EYS: variants seen among roughly 807,000 people sequenced by gnomAD.
The protein encoded by EYS is EGF-like photoreceptor maintenance factor, also known as protein eyes shut homolog.
In EYS, 250 loss-of-function variants were observed where a neutral mutation model predicts 282.1. The observed-to-expected ratio is 0.89, with a 90% CI of 0.80 to 0.98. EYS has a LOEUF of 0.98. EYS is among the 50% of genes least tolerant of loss of function. The pLI, the probability that EYS is intolerant of heterozygous loss-of-function variation, is 0.00. For synonymous variants in EYS, 1,355 were observed against 1,282.9 expected (o/e 1.06, Z -1.20); for missense variants, 4,016 against 3,709.0 (o/e 1.08, Z -2.15).
At chr6:64,744,303 C>T (rs1015818810) in intron 22 of EYS, among the ~76,000 whole-genome samples, 15 of 152,234 alleles carry the variant, frequency 9.9e-5, no homozygotes, top group Admixed American at 9.2e-4. Flanking sequence ...TTAAAAGAGA[C>T]TTAAATCCCA....
At chr6:64,799,799 T>C (rs1046268475) in intron 22 of EYS, among the ~76,000 whole-genome samples, 17 of 151,826 alleles carry the variant, frequency 1.1e-4, no homozygotes, top group African/African-American at 4.1e-4. Context: ...TTTAAGTATC[T>C]GAATATCTAC....
intron 22 of EYS, among the ~76,000 whole-genome samples, chr6:64,798,533 A>G (rs978358146): frequency 2.7e-5 from 4 of 150,826 alleles, no homozygotes; most frequent in African/African-American, 9.7e-5. Context: ...GTGCATATTA[A>G]TTCTAAAATT....
At chr6:64,521,493 A>T (rs1301936876) in intron 26 of EYS, among the ~76,000 whole-genome samples, 3 of 151,710 alleles carry the variant, frequency 2.0e-5, no homozygotes, top group African/African-American at 7.3e-5. Context: ...TACTTAGAGT[A>T]CTAAAGTGGA....
At position 63,953,880 on chromosome 6, in the gene EYS, G is replaced by A. The variant is rs6903963; in HGVS notation, c.7055+30503C>T. On this transcript the variant is annotated intron_variant, in intron 35 of 42. Transcript: ENST00000503581. ...AACAACTTGGCCTTACTGTTTTAGCGTAGCCCTCATGTCTGTGTGTGGTGG... is the reference window on the plus strand; with the variant it reads ...AACAACTTGGCCTTACTGTTTTAGCATAGCCCTCATGTCTGTGTGTGGTGG... Among the ~76,000 whole-genome samples, 806 of 152,214 alleles carry A rather than the reference G, an allele frequency of 5.3e-3. 7 individuals are homozygous for A. The highest frequency in any genetic ancestry group is 0.016 in the African/African-American group (685 of 41,528).
intron 26 of EYS, among the ~76,000 whole-genome samples, chr6:64,567,670 G>A (rs1052586639): frequency 6.6e-6 from 1 of 152,030 alleles, no homozygotes; most frequent in Non-Finnish European, 1.5e-5. Context: ...GATTTATTTG[G>A]AAAACTATTT....
chr6:64,391,093 G>T (rs1444951076), intron 28 of EYS, among the ~76,000 whole-genome samples: 7 of 152,004 alleles, frequency 4.6e-5, no homozygotes, highest in East Asian at 1.9e-4. Flanking sequence ...TAAAAAGAAA[G>T]GAGCAAAGCC....
chr6:64,651,793 C>T (rs1291580102), intron 22 of EYS, among the ~76,000 whole-genome samples: 1 of 152,104 alleles, frequency 6.6e-6, no homozygotes, highest in Non-Finnish European at 1.5e-5. Flanking sequence ...TGAATATGAA[C>T]ATAAAGAAAG....
At chr6:65,180,094 A>G (rs1219531750) in intron 12 of EYS, among the ~76,000 whole-genome samples, 1 of 151,536 alleles carries the variant, frequency 6.6e-6, no homozygotes, top group African/African-American at 2.4e-5. Flanking sequence ...CCCACAGCCA[A>G]TATCATACTG....
At chr6:64,700,843 C>T (rs1257496470) in intron 22 of EYS, among the ~76,000 whole-genome samples, 1 of 151,860 alleles carries the variant, frequency 6.6e-6, no homozygotes, top group Non-Finnish European at 1.5e-5. Context: ...AAAATATCAT[C>T]ATCACGTTTT....
intron 31 of EYS, among the ~76,000 whole-genome samples, chr6:64,095,718 G>A (rs771505348): frequency 9.2e-5 from 14 of 152,182 alleles, no homozygotes; most frequent in African/African-American, 3.1e-4. Context: ...AATTTGCCAG[G>A]CTGTGTCTTT....
At position 65,414,604 on chromosome 6, in the gene EYS, G is replaced by T. The variant is rs548567391; in HGVS notation, c.863-9237C>A. ...TCTTTTTTTTTTATGTAAGTAACCA[G>T]AAAGAAAGGATTAATCTTTTCTAAG... is the stretch of plus-strand genomic sequence containing the variant. On this transcript the variant is annotated intron_variant, in intron 5 of 42. Transcript: ENST00000503581. Among the ~76,000 whole-genome samples, 12 of 151,896 alleles carry T rather than the reference G, an allele frequency of 7.9e-5. No individual in the cohort carries two copies. In the South Asian group the frequency reaches 2.5e-3, roughly 32 times the overall value.
intron 33 of EYS, among the ~76,000 whole-genome samples, chr6:64,002,492 CT>C (rs1332330952): frequency 6.6e-6 from 1 of 152,214 alleles, no homozygotes; most frequent in Non-Finnish European, 1.5e-5. Flanking sequence ...CACATGCCCA[CT>C]TGGGTTTCGG....
chr6:63,902,341 TA>T (rs1486837631), intron 35 of EYS, among the ~76,000 whole-genome samples: 1 of 152,096 alleles, frequency 6.6e-6, no homozygotes, highest in Non-Finnish European at 1.5e-5. Context: ...TATAGATAAA[TA>T]AAGACTGAGA....
chr6:64,177,753 G>T (rs1764678379), intron 31 of EYS, among the ~76,000 whole-genome samples: 1 of 151,878 alleles, frequency 6.6e-6, no homozygotes, highest in South Asian at 2.1e-4. Flanking sequence ...TTTCTCTCGG[G>T]CATAACTTGA....
intron 31 of EYS, among the ~76,000 whole-genome samples, chr6:64,154,629 A>C (rs1222912664): frequency 2.0e-5 from 3 of 152,162 alleles, no homozygotes; most frequent in Admixed American, 6.5e-5. Flanking sequence ...CAATAAACAT[A>C]ATATGTGCTC....
chr6:63,895,108 T>A (rs1773503510), intron 35 of EYS, among the ~76,000 whole-genome samples: 1 of 150,716 alleles, frequency 6.6e-6, no homozygotes, highest in Non-Finnish European at 1.5e-5. Flanking sequence ...GGCCTCACCC[T>A]CACTGTCTTG....
intron 13 of EYS, among the ~76,000 whole-genome samples, chr6:65,033,419 C>A (rs1475356258): frequency 6.6e-6 from 1 of 152,146 alleles, no homozygotes; most frequent in African/African-American, 2.4e-5. Context: ...ATGGCAGTCA[C>A]TCCCATCACA....
chr6:63,851,269 G>A (rs1214621020), intron 36 of EYS, among the ~76,000 whole-genome samples: 2 of 152,072 alleles, frequency 1.3e-5, no homozygotes, highest in Non-Finnish European at 2.9e-5. Context: ...AGTCAATAGA[G>A]AGAAAATTAA....
chr6:64,636,611 G>A (rs1187369035), intron 22 of EYS, among the ~76,000 whole-genome samples: 6 of 152,022 alleles, frequency 3.9e-5, no homozygotes, highest in Non-Finnish European at 8.8e-5. Context: ...AAACTAAAGA[G>A]CTTCTGCACA....
Sources: gnomAD v4.1 joint callset for allele counts (sites outside exome capture counted in the v4.1 genomes callset) on GRCh38, gnomAD v4.1.1 for gene constraint, MANE v1.5 for transcripts, NCBI Gene and HGNC (gene_info 2026-07-23, HGNC 2026-07-21) for gene names.